The following ARMH3 variants were observed in gnomAD, a reference collection of about 807,000 sequenced individuals.
ARMH3 encodes the protein armadillo like helical domain containing 3.
A neutral mutation model predicts 99.1 loss-of-function variants in ARMH3; 60 were observed. That is an observed-to-expected ratio of 0.61 (90% CI 0.49 to 0.75). The LOEUF is 0.75. Ranked by LOEUF, ARMH3 falls within the 30% of genes least tolerant of loss-of-function variation. The pLI is 0.00. For missense variants in ARMH3, 679 were observed against 843.1 expected, an observed-to-expected ratio of 0.81 and a Z score of 2.41; for synonymous variants, 285 against 292.8, an observed-to-expected ratio of 0.97 and a Z score of 0.27.
At chr10:102,030,112 G>T (rs529592478) in intron 4 of ARMH3, among the ~76,000 whole-genome samples, 5 of 151,744 alleles carry the variant, frequency 3.3e-5, no homozygotes, top group Middle Eastern at 3.4e-3. Context: ...GTAGAGACAG[G>T]GTCTCACCAT....
At chr10:102,035,005 G>T (rs2067217188) in intron 2 of ARMH3, among the ~76,000 whole-genome samples, 1 of 152,200 alleles carries the variant, frequency 6.6e-6, no homozygotes, top group Admixed American at 6.5e-5. Flanking sequence ...GTAGGGCTGA[G>T]GCGGGTGGAT....
intron 2 of ARMH3, among the ~76,000 whole-genome samples, chr10:102,037,045 C>T (rs2067294973): frequency 6.6e-6 from 1 of 151,314 alleles, no homozygotes; most frequent in African/African-American, 2.4e-5. Context: ...GAGCAAGACA[C>T]CACCTCAAAA....
intron 15 of ARMH3, among the ~76,000 whole-genome samples, chr10:101,999,372 A>G (rs1169040924): frequency 6.6e-6 from 1 of 151,996 alleles, no homozygotes; most frequent in East Asian, 1.9e-4. Context: ...TTGTATTTTT[A>G]GTAGAGACAG....
At chr10:102,026,981 G>A (rs1482698741) in intron 5 of ARMH3, among the ~76,000 whole-genome samples, 3 of 152,084 alleles carry the variant, frequency 2.0e-5, no homozygotes, top group Admixed American at 1.3e-4. Flanking sequence ...ACAAATATTT[G>A]TCAAAAGAAT....
intron 23 of ARMH3, among the ~76,000 whole-genome samples, chr10:101,908,718 C>T (rs1842740559): frequency 6.7e-6 from 1 of 148,218 alleles, no homozygotes; most frequent in African/African-American, 2.5e-5. Flanking sequence ...GGCTGGAGTG[C>T]AATGGCGCAG....
chr10:101,994,427 A>G (rs79849003), intron 16 of ARMH3, among the ~76,000 whole-genome samples: 7,447 of 152,192 alleles, frequency 0.049, 194 homozygotes, highest in Middle Eastern at 0.095. Flanking sequence ...CTTCATGTGG[A>G]ATATCTTCAC....
At chr10:102,006,984 A>G (rs1021775525) in intron 13 of ARMH3, among the ~76,000 whole-genome samples, 1 of 151,772 alleles carries the variant, frequency 6.6e-6, no homozygotes, top group Admixed American at 6.6e-5. Flanking sequence ...AACACGGTGA[A>G]ACCCCGTCTC....
chr10:101,862,842 C>T (rs78143822), intron 24 of ARMH3, among the ~76,000 whole-genome samples: 3,213 of 152,264 alleles, frequency 0.021, 57 homozygotes, highest in Non-Finnish European at 0.031. Flanking sequence ...ATGTAATACT[C>T]CAATTAAAAG....
Position 101,993,620 on chromosome 10 carries a change from G to A in ARMH3, c.1210-17C>T. 1 of 1,511,542 alleles carries A rather than the reference G, an allele frequency of 6.6e-7. No individual in the cohort carries two copies. Among genetic ancestry groups the A allele is most frequent in the East Asian group, 2.3e-5 (1 of 43,812 alleles). The allele number at this position is 1,511,542 out of a possible 1,614,324, so 93.6% of individuals were successfully genotyped here. Reference sequence around the variant, plus strand: ...ATATTGATCCTAATAAAAATATAGAGAAAAAGTAAGAAGCGAGAGCTATAT... The same window carrying A: ...ATATTGATCCTAATAAAAATATAGAAAAAAAGTAAGAAGCGAGAGCTATAT... On this transcript the variant is annotated splice_polypyrimidine_tract_variant and intron_variant, in intron 16 of 25. Transcript: ENST00000370033.
At position 102,040,087 on chromosome 10, in the gene ARMH3, A is replaced by C. The variant is rs1281648498; in HGVS notation, c.28T>G (p.Leu10Val). Residue 10 changes from leucine to valine, a missense_variant, in exon 2 of 26, where the codon TTG becomes GTG. Coordinates refer to ENST00000370033, the MANE Select transcript of ARMH3 (RefSeq NM_024541.3). MAQVEKRGGLLRKSSASKKP... is the reference protein window; with the variant it reads MAQVEKRGGVLRKSSASKKP... ...TTGGAGGCTGAAGATTTCCGGAGCA[A>C]ACCTCCACGTTTCTCTACCTGTGCC... is the stretch of plus-strand genomic sequence containing the variant. The C allele has an allele frequency of 6.2e-7, 1 of 1,614,196 alleles. No homozygotes were observed. Among genetic ancestry groups the C allele is most frequent in the Non-Finnish European group, 8.5e-7 (1 of 1,180,026 alleles).
At chr10:101,911,065 G>A (rs1192452514) in intron 23 of ARMH3, among the ~76,000 whole-genome samples, 5 of 151,186 alleles carry the variant, frequency 3.3e-5, no homozygotes, top group African/African-American at 1.2e-4. Flanking sequence ...GCTTGACCCA[G>A]AGGAGGCGGA....
intron 22 of ARMH3, among the ~76,000 whole-genome samples, chr10:101,942,892 C>G (rs888191891): frequency 6.6e-6 from 1 of 151,842 alleles, no homozygotes; most frequent in Non-Finnish European, 1.5e-5. Context: ...AATGTCTTTC[C>G]TCTTCTAGCC....
intron 24 of ARMH3, among the ~76,000 whole-genome samples, chr10:101,888,622 AAC>A (rs575369254): frequency 5.9e-4 from 90 of 152,366 alleles, no homozygotes; most frequent in African/African-American, 2.1e-3. Context: ...AAAAAGGAAG[AAC>A]AGGGCACATA....
At chr10:102,048,733 A>G (rs1490505239) in intron 1 of ARMH3, among the ~76,000 whole-genome samples, 2 of 152,096 alleles carry the variant, frequency 1.3e-5, no homozygotes, top group African/African-American at 4.8e-5. Context: ...CTGAGACAAC[A>G]TGTTTATATC....
intron 23 of ARMH3, among the ~76,000 whole-genome samples, chr10:101,899,857 C>T (rs980999219): frequency 6.6e-6 from 1 of 152,026 alleles, no homozygotes; most frequent in Admixed American, 6.6e-5. Flanking sequence ...AAAAATGGAA[C>T]CTTAGTTAGT....
intron 19 of ARMH3, among the ~76,000 whole-genome samples, chr10:101,978,610 G>A (rs770092789): frequency 2.6e-5 from 4 of 151,856 alleles, no homozygotes; most frequent in Non-Finnish European, 4.4e-5. Context: ...CCAGCCTGGG[G>A]AACAAAGCAG....
chr10:102,053,249 A>T (rs573838540), intron 1 of ARMH3, among the ~76,000 whole-genome samples: 3 of 151,234 alleles, frequency 2.0e-5, no homozygotes, highest in African/African-American at 7.3e-5. Context: ...AGAGAAAAAA[A>T]TTCCAATGAC....
chr10:101,887,792 A>G (rs1564722538), intron 24 of ARMH3, among the ~76,000 whole-genome samples: 1 of 151,712 alleles, frequency 6.6e-6, no homozygotes, highest in Non-Finnish European at 1.5e-5. Flanking sequence ...CCATTCTCCT[A>G]TGAAATCCCT....
intron 23 of ARMH3, among the ~76,000 whole-genome samples, chr10:101,921,017 G>C (rs1215135205): frequency 6.6e-6 from 1 of 152,152 alleles, no homozygotes; most frequent in East Asian, 1.9e-4. Context: ...TGTTTAATCA[G>C]TACAATTTCA....
Sources: allele counts gnomAD v4.1 joint callset (sites outside exome capture counted in the v4.1 genomes callset), GRCh38; gene constraint gnomAD v4.1.1; transcripts MANE v1.5; gene names NCBI Gene and HGNC (gene_info 2026-07-23, HGNC 2026-07-21).